The following CSMD1 variants were observed in gnomAD, a reference collection of about 807,000 sequenced individuals.
CSMD1 encodes CUB and Sushi multiple domains 1, also known as CUB and sushi domain-containing protein 1.
A neutral mutation model predicts 417.5 loss-of-function variants in CSMD1; 213 were observed. The ratio of observed to expected loss-of-function variants is 0.51; its 90% CI spans 0.46 to 0.57. The LOEUF is 0.57. CSMD1 is among the 20% of genes least tolerant of loss of function. CSMD1 has a pLI of 0.00. For synonymous variants in CSMD1, 2,862 were observed against 1,736.8 expected (o/e 1.65, Z -16.11); for missense variants, 6,923 against 4,529.7 (o/e 1.53, Z -15.17).
intron 6 of CSMD1, among the ~76,000 whole-genome samples, chr8:3,750,377 A>G (rs959308841): frequency 1.3e-5 from 2 of 150,656 alleles, no homozygotes; most frequent in African/African-American, 4.9e-5. Context: ...TATACGATAT[A>G]TATGATTCAA....
intron 68 of CSMD1, among the ~76,000 whole-genome samples, chr8:2,944,441 C>G (rs926507283): frequency 6.6e-6 from 1 of 152,154 alleles, no homozygotes; most frequent in South Asian, 2.1e-4. Context: ...TGGTGCCCTA[C>G]TCAGATGGCA....
chr8:3,250,947 T>C (rs1034288268), intron 26 of CSMD1, among the ~76,000 whole-genome samples: 9 of 152,216 alleles, frequency 5.9e-5, no homozygotes, highest in African/African-American at 1.9e-4. Flanking sequence ...GAGTTCATTG[T>C]AGATTCTGGA....
rs541596048 is a variant in CSMD1, at chr8:3,793,154, C to T, written c.819-39112G>A. Among the ~76,000 whole-genome samples the T allele has an allele frequency of 1.3e-4, 20 of 152,282 alleles. No individual in the cohort carries two copies. In the East Asian group the frequency reaches 3.9e-3, roughly 29 times the overall value. On this transcript the variant is annotated intron_variant, in intron 5 of 69. Transcript: ENST00000635120. ...AAGGAACTGCTCGAATAATTTACCA[C>T]TTTGCAGAGGGGCTGATGGATTTTG...
chr8:3,951,736 C>T (rs946994842), intron 5 of CSMD1, among the ~76,000 whole-genome samples: 3 of 151,872 alleles, frequency 2.0e-5, no homozygotes, highest in Non-Finnish European at 4.4e-5. Context: ...ACATGGGGGG[C>T]ATTAAAACGT....
intron 8 of CSMD1, among the ~76,000 whole-genome samples, chr8:3,615,968 A>T (rs13275480): frequency 0.33 from 50,906 of 152,070 alleles, 9,211 homozygotes; most frequent in Middle Eastern, 0.48. Context: ...TAGCAACAGA[A>T]AATCAGTATC....
intron 12 of CSMD1, among the ~76,000 whole-genome samples, chr8:3,442,692 C>T (rs1048268900): frequency 6.6e-6 from 1 of 152,094 alleles, no homozygotes. Context: ...AGAACGTATC[C>T]CTGTTGTTGT....
chr8:3,370,824 T>C (rs1389362402), intron 18 of CSMD1, among the ~76,000 whole-genome samples: 5 of 152,038 alleles, frequency 3.3e-5, no homozygotes, highest in African/African-American at 1.2e-4. Flanking sequence ...AAAATATAAA[T>C]TATTAGCCAG....
chr8:4,813,848 T>C (rs905642404), intron 1 of CSMD1, among the ~76,000 whole-genome samples: 1 of 152,216 alleles, frequency 6.6e-6, no homozygotes, highest in Non-Finnish European at 1.5e-5. Flanking sequence ...GAGTGCATAG[T>C]AGCATTCTCA....
At chr8:3,587,599 G>C (rs1459131191) in intron 8 of CSMD1, among the ~76,000 whole-genome samples, 1 of 152,046 alleles carries the variant, frequency 6.6e-6, no homozygotes, top group African/African-American at 2.4e-5. Flanking sequence ...CATCGCACCA[G>C]CATCCCCCAC....
At chr8:2,944,755 G>A (rs970509291) in intron 68 of CSMD1, among the ~76,000 whole-genome samples, 5 of 151,894 alleles carry the variant, frequency 3.3e-5, no homozygotes, top group African/African-American at 7.3e-5. Context: ...TTTCCATTAC[G>A]ATGCCAAACA....
chr8:4,411,546 CATTA>C (rs979465434), intron 3 of CSMD1, among the ~76,000 whole-genome samples: 15 of 152,264 alleles, frequency 9.9e-5, no homozygotes, highest in Middle Eastern at 3.4e-3. Context: ...CTATAGTATT[CATTA>C]ATTAATTTTT....
At chr8:4,769,834 G>A (rs1023713844) in intron 1 of CSMD1, among the ~76,000 whole-genome samples, 4 of 151,984 alleles carry the variant, frequency 2.6e-5, no homozygotes, top group African/African-American at 9.7e-5. Context: ...TTATGTTGTT[G>A]TTATTATGTT....
intron 10 of CSMD1, among the ~76,000 whole-genome samples, chr8:3,523,113 C>T (rs1302186093): frequency 2.6e-5 from 4 of 151,830 alleles, no homozygotes; most frequent in Admixed American, 2.0e-4. Flanking sequence ...GTTACATCTG[C>T]ACATTTTTCC....
At chr8:4,802,216 C>T (rs17347946) in intron 1 of CSMD1, among the ~76,000 whole-genome samples, 8,299 of 152,252 alleles carry the variant, frequency 0.055, 238 homozygotes, top group African/African-American at 0.069. Flanking sequence ...CATCAAAGTA[C>T]AATTGGCTTA....
intron 50 of CSMD1, among the ~76,000 whole-genome samples, chr8:3,035,213 C>T (rs559511715): frequency 6.6e-6 from 1 of 152,258 alleles, no homozygotes; most frequent in South Asian, 2.1e-4. Context: ...AGTCCCCCAC[C>T]ATCATAGGCA....
chr8:4,580,805 T>C (rs1317501674), intron 2 of CSMD1, among the ~76,000 whole-genome samples: 1 of 152,246 alleles, frequency 6.6e-6, no homozygotes. Flanking sequence ...TTATATCCTA[T>C]CTTAAAAAGT....
At chr8:2,949,432 G>C (rs756445765) in intron 67 of CSMD1, 46 bp from the exon 68 acceptor site, 3 of 997,086 alleles carry the variant, frequency 3.0e-6, no homozygotes, top group Non-Finnish European at 4.6e-6. Flanking sequence ...GGTATACGAA[G>C]GGATGAATAA....
At chr8:4,057,326 G>C (rs1044875971) in intron 3 of CSMD1, among the ~76,000 whole-genome samples, 2 of 152,174 alleles carry the variant, frequency 1.3e-5, no homozygotes, top group Non-Finnish European at 2.9e-5. Flanking sequence ...CTGCATAAAT[G>C]TCTTCTTTTG....
chr8:3,313,821 G>T (rs28771773), intron 23 of CSMD1, among the ~76,000 whole-genome samples: 1 of 152,116 alleles, frequency 6.6e-6, no homozygotes, highest in Non-Finnish European at 1.5e-5. Context: ...ACATGCACAC[G>T]TATGTTTATA....
Sources: allele counts gnomAD v4.1 joint callset (sites outside exome capture counted in the v4.1 genomes callset), GRCh38; gene constraint gnomAD v4.1.1; transcripts MANE v1.5; gene names NCBI Gene and HGNC (gene_info 2026-07-23, HGNC 2026-07-21).